TRAF2: variants seen among roughly 807,000 people sequenced by gnomAD.
TRAF2 encodes the protein TNF receptor associated factor 2, also known as TNF receptor-associated factor 2.
TRAF2 carries 6 observed loss-of-function variants against 55.6 expected under a neutral mutation model. The observed-to-expected ratio is 0.11, with a 90% confidence interval of 0.06 to 0.21. TRAF2 has a LOEUF of 0.21. Ranked by LOEUF, TRAF2 falls within the 10% of genes least tolerant of loss-of-function variation. TRAF2 has a pLI of 1.00. For missense variants in TRAF2, 561 were observed against 684.5 expected (o/e 0.82, Z 2.01); for synonymous variants, 329 against 276.3 (o/e 1.19, Z -1.89).
At chr9:136,893,604 T>C (rs1322830679) in intron 1 of TRAF2, among the ~76,000 whole-genome samples, 2 of 152,224 alleles carry the variant, frequency 1.3e-5, no homozygotes, top group Non-Finnish European at 2.9e-5. Context: ...GGGAAGACAC[T>C]TGGAATGTGC....
chr9:136,902,778 G>A (rs547924504), intron 4 of TRAF2, among the ~76,000 whole-genome samples: 30 of 152,268 alleles, frequency 2.0e-4, no homozygotes, highest in African/African-American at 6.5e-4. Flanking sequence ...CCTCGGAGCC[G>A]CCTCTCTTTG....
Position 136,923,845 on chromosome 9 carries a change from TC to T in TRAF2, c.1139-3del. 6.2e-7 allele frequency: 1 copy of T among 1,612,634 alleles called. No homozygotes were observed. Among genetic ancestry groups the T allele is most frequent in the South Asian group, 1.1e-5 (1 of 91,054 alleles). On this transcript the variant is annotated splice_polypyrimidine_tract_variant and splice_region_variant and intron_variant, in intron 9 of 10. Coordinates refer to ENST00000247668, the MANE Select transcript of TRAF2 (RefSeq NM_021138.4). ...CAGCTCACCAGGCACCCCTCCTGCC[TC>T]CCCAGCCTTCTACACCAGCAGGTAC...
At chr9:136,922,932 C>CGAGGATGGG (rs766325368) in intron 9 of TRAF2, among the ~76,000 whole-genome samples, 55 of 139,036 alleles carry the variant, frequency 4.0e-4, no homozygotes, top group East Asian at 1.5e-3. Context: ...CGGTGGAGGA[C>CGAGGATGGG]GAGGATGGGG....
chr9:136,883,757 T>C (rs1849400725), upstream of TRAF2, among the ~76,000 whole-genome samples: 1 of 151,660 alleles, frequency 6.6e-6, no homozygotes, highest in Admixed American at 6.6e-5. Context: ...CCTCAGGTGA[T>C]CCACCCACCT....
intron 6 of TRAF2, among the ~76,000 whole-genome samples, chr9:136,915,381 T>A (rs892234185): frequency 6.6e-6 from 1 of 151,894 alleles, no homozygotes; most frequent in Non-Finnish European, 1.5e-5. Context: ...GGTGTGAAGG[T>A]TGGACGTGCC....
intron 10 of TRAF2, 75 bp from the exon 11 acceptor site, chr9:136,925,608 A>C: frequency 1.4e-6 from 2 of 1,476,300 alleles, no homozygotes; most frequent in Non-Finnish European, 1.9e-6. Context: ...TGGCCCTGCC[A>C]GTGTCCAGAC....
At chr9:136,925,562 G>A in intron 10 of TRAF2, 121 bp from the exon 11 acceptor site, 1 of 1,032,956 alleles carries the variant, frequency 9.7e-7, no homozygotes, top group Non-Finnish European at 1.4e-6. Context: ...CTGGGCCTCA[G>A]CCTCTGGCCT....
At chr9:136,916,004 C>T (rs1006371741) in intron 6 of TRAF2, among the ~76,000 whole-genome samples, 1 of 152,120 alleles carries the variant, frequency 6.6e-6, no homozygotes, top group Admixed American at 6.5e-5. Context: ...TGTTTTTCCT[C>T]GGGCTGTTCC....
intron 6 of TRAF2, among the ~76,000 whole-genome samples, chr9:136,913,014 G>C (rs2131316655): frequency 6.6e-6 from 1 of 152,220 alleles, no homozygotes; most frequent in Non-Finnish European, 1.5e-5. Context: ...AGGCACTCCT[G>C]TAATCCCAGC....
chr9:136,886,313 G>A, upstream of TRAF2: 1 of 842,162 alleles, frequency 1.2e-6, no homozygotes, highest in Non-Finnish European at 1.4e-6. Context: ...ACCAATCGGC[G>A]CACGCTGCGG....
intron 9 of TRAF2, among the ~76,000 whole-genome samples, chr9:136,921,777 G>A (rs932166827): frequency 6.6e-6 from 1 of 152,110 alleles, no homozygotes; most frequent in African/African-American, 2.4e-5. Context: ...TGCTGGAGAG[G>A]GGGTGGGGTG....
chr9:136,904,653 C>T (rs189093105), intron 4 of TRAF2, among the ~76,000 whole-genome samples: 16 of 152,132 alleles, frequency 1.1e-4, no homozygotes, highest in Admixed American at 8.5e-4. Flanking sequence ...GTGATCCACC[C>T]GCCTCGGCCT....
intron 6 of TRAF2, among the ~76,000 whole-genome samples, chr9:136,915,539 C>T (rs1187105518): frequency 1.3e-5 from 2 of 152,142 alleles, no homozygotes; most frequent in Non-Finnish European, 2.9e-5. Flanking sequence ...TTGTATTGGT[C>T]ATGAGTCACC....
At chr9:136,919,684 TC>T (rs947707944) in intron 7 of TRAF2, among the ~76,000 whole-genome samples, 4 of 151,062 alleles carry the variant, frequency 2.6e-5, no homozygotes, top group Non-Finnish European at 5.9e-5. Context: ...CTCCCCTTCT[TC>T]CCTTCATCCC....
At chr9:136,913,178 TTCTGATGATGAGGCC>T (rs1850160281) in intron 6 of TRAF2, among the ~76,000 whole-genome samples, 1 of 152,008 alleles carries the variant, frequency 6.6e-6, no homozygotes, top group African/African-American at 2.4e-5. Flanking sequence ...GCAACATGGC[TTCTGATGATGAGGCC>T]ACTGATGATG....
intron 4 of TRAF2, among the ~76,000 whole-genome samples, chr9:136,902,807 T>C (rs1026100631): frequency 2.0e-4 from 30 of 152,116 alleles, no homozygotes; most frequent in African/African-American, 7.0e-4. Flanking sequence ...GTGCTCGGAG[T>C]GTGCTGCTAG....
Position 136,925,953 on chromosome 9 carries a change from A to T in TRAF2, c.*52A>T. The T allele has an allele frequency of 6.2e-7, 1 of 1,602,780 alleles. No homozygotes were observed. Among genetic ancestry groups the T allele is most frequent in the Non-Finnish European group, 8.5e-7 (1 of 1,172,052 alleles). On this transcript the variant is annotated 3_prime_UTR_variant, in exon 11 of 11. Transcript: ENST00000247668. ...GGGGGCAGCCAGGCACAGCCGGCTC[A>T]CGGAGGGGCCACCACGCTGGGCCAG...
rs1237427670 is a variant in TRAF2, at chr9:136,909,904, A to T, written c.529-16A>T. ...ATTGGCGTCCACCCTCACACTCCTG[A>T]TCCCTTCTTTTGAAGGCGCACCACG... On this transcript the variant is annotated splice_polypyrimidine_tract_variant and intron_variant, in intron 5 of 10. Coordinates refer to ENST00000247668, the MANE Select transcript of TRAF2 (RefSeq NM_021138.4). 6.2e-7 allele frequency: 1 copy of T among 1,613,936 alleles called. No individual in the cohort carries two copies. The highest frequency in any genetic ancestry group is 8.5e-7 in the Non-Finnish European group (1 of 1,179,930).
At position 136,920,378 on chromosome 9, in the gene TRAF2, C is replaced by T; in HGVS notation, c.823C>T (p.Leu275=). ...AGAGCTCCTGCAGAGGTGCGAGAGC[C>T]TGGAGAAGAAGACGGCCACTTTTGA... The part of the protein sequence containing the change: ...GSELLQRCES[L]EKKTATFENI... Residue 275 remains leucine, a synonymous_variant, in exon 8 of 11, where the codon CTG becomes TTG. Transcript: ENST00000247668. The T allele has an allele frequency of 6.2e-7, 1 of 1,614,140 alleles. No homozygotes were observed. The highest frequency in any genetic ancestry group is 8.5e-7 in the Non-Finnish European group (1 of 1,180,040).
Sources: allele counts gnomAD v4.1 joint callset (sites outside exome capture counted in the v4.1 genomes callset), GRCh38; gene constraint gnomAD v4.1.1; transcripts MANE v1.5; gene names NCBI Gene and HGNC (gene_info 2026-07-23, HGNC 2026-07-21).